Variants in FAM13A observed in about 807,000 individuals in gnomAD.
The protein encoded by FAM13A is protein FAM13A.
In FAM13A, 76 loss-of-function variants were observed where a neutral mutation model predicts 129.6. The ratio of observed to expected loss-of-function variants is 0.59; its 90% confidence interval spans 0.49 to 0.71. FAM13A has a LOEUF of 0.71. FAM13A is among the 30% of genes least tolerant of loss of function. The pLI is 0.00. For synonymous variants in FAM13A, 443 were observed against 449.9 expected (o/e 0.98, Z 0.20); for missense variants, 1,108 against 1,249.3 (o/e 0.89, Z 1.70).
At chr4:88,756,311 G>A (rs376720211) in intron 14 of FAM13A, among the ~76,000 whole-genome samples, 9 of 152,078 alleles carry the variant, frequency 5.9e-5, no homozygotes, top group African/African-American at 1.7e-4. Flanking sequence ...CATGTCCTAC[G>A]GAATCTATTT....
At chr4:88,767,880 C>A in intron 12 of FAM13A, 103 bp downstream of exon 12, 1 of 762,340 alleles carries the variant, frequency 1.3e-6, no homozygotes. Flanking sequence ...ATATATAGTC[C>A]TTTAATTCCA....
Position 89,025,312 on chromosome 4 carries a change from C to T in FAM13A, c.217+4148G>A, listed in dbSNP as rs540603328. Among the ~76,000 whole-genome samples the T allele has an allele frequency of 3.9e-5, 5 of 127,838 alleles. No homozygotes were observed. In the South Asian group the frequency reaches 8.0e-4, roughly 20 times the overall value. The allele number at this position is 127,838 out of a possible 152,430, so 83.9% of individuals were successfully genotyped here. On this transcript the variant is annotated intron_variant, in intron 2 of 23. Coordinates refer to ENST00000264344, the MANE Select transcript of FAM13A (RefSeq NM_014883.4). ...TCGCTCTGTCGCCCAGGCCGGACTG[C>T]GGACTGCAGTGGCGCAATCTCGGCT...
intron 23 of FAM13A, chr4:88,730,195 G>T (rs1235196863): frequency 1.3e-5 from 2 of 152,184 alleles, no homozygotes; most frequent in Admixed American, 1.3e-4. Context: ...AGTAATCTGG[G>T]TTAAATCCAA....
At chr4:88,929,009 T>A (rs1202848446) in intron 5 of FAM13A, among the ~76,000 whole-genome samples, 1 of 152,188 alleles carries the variant, frequency 6.6e-6, no homozygotes, top group Non-Finnish European at 1.5e-5. Flanking sequence ...GGTGTTTTCA[T>A]GATGGTGAAT....
intron 3 of FAM13A, among the ~76,000 whole-genome samples, chr4:89,015,772 T>C (rs991242991): frequency 6.6e-6 from 1 of 152,148 alleles, no homozygotes; most frequent in Non-Finnish European, 1.5e-5. Context: ...AGTTTATATA[T>C]ATATAAAGTT....
intron 6 of FAM13A, among the ~76,000 whole-genome samples, chr4:88,888,932 T>C (rs1160090808): frequency 7.9e-6 from 1 of 126,492 alleles, no homozygotes; most frequent in African/African-American, 3.0e-5. Flanking sequence ...CGAGACTCCG[T>C]CTCCAAAAAA....
intron 7 of FAM13A, among the ~76,000 whole-genome samples, chr4:88,847,120 G>A (rs1473853146): frequency 6.6e-6 from 1 of 152,210 alleles, no homozygotes; most frequent in Non-Finnish European, 1.5e-5. Context: ...TATGGATAGA[G>A]ACAGGAAGTT....
intron 19 of FAM13A, among the ~76,000 whole-genome samples, chr4:88,741,275 A>G (rs992472653): frequency 8.5e-5 from 13 of 152,234 alleles, no homozygotes; most frequent in African/African-American, 3.1e-4. Flanking sequence ...TCAGTGGTAG[A>G]ATAAAGTATG....
At chr4:88,824,509 A>G (rs1732629783) in intron 7 of FAM13A, among the ~76,000 whole-genome samples, 1 of 152,200 alleles carries the variant, frequency 6.6e-6, no homozygotes, top group Non-Finnish European at 1.5e-5. Flanking sequence ...ATGATAAACT[A>G]TCAGTAACTA....
At position 88,746,999 on chromosome 4, in the gene FAM13A, T is replaced by C. The variant is rs780211925; in HGVS notation, c.2399A>G (p.Gln800Arg). The part of the protein sequence containing the change: ...PEDIKDMTKD[Q>R]IANEKVALQK... ...CAGAGCCACTTTCTCATTAGCAATC[T>C]GGTCTTTGGTCATATCCTGTATAAA... The change falls in exon 19 of 24, where the codon CAG becomes CGG. Residue 800 changes from glutamine to arginine, a missense_variant. Coordinates refer to ENST00000264344, the MANE Select transcript of FAM13A (RefSeq NM_014883.4). The C allele has an allele frequency of 2.5e-6, 4 of 1,611,724 alleles. No homozygotes were observed. The South Asian group carries it at 4.4e-5, about 18-fold the overall frequency.
Position 89,025,846 on chromosome 4 carries a change from C to T in FAM13A, c.217+3614G>A, listed in dbSNP as rs116913498. ...AAACATCTTAAGAAGATACCAGAAACGGGTATAGCAATACTGTTTTAGAGA... is the reference window on the plus strand; with the variant it reads ...AAACATCTTAAGAAGATACCAGAAATGGGTATAGCAATACTGTTTTAGAGA... On this transcript the variant is annotated intron_variant, in intron 2 of 23. Coordinates refer to ENST00000264344, the MANE Select transcript of FAM13A (RefSeq NM_014883.4). Among the ~76,000 whole-genome samples, 35 of 152,088 alleles carry T rather than the reference C, an allele frequency of 2.3e-4. No homozygotes were observed. In the East Asian group the frequency reaches 5.2e-3, roughly 23 times the overall value.
chr4:89,049,367 T>C (rs1439418632), intron 1 of FAM13A, among the ~76,000 whole-genome samples: 2 of 152,198 alleles, frequency 1.3e-5, no homozygotes, highest in Non-Finnish European at 2.9e-5. Flanking sequence ...TTATATATAG[T>C]TTCAGAAAAG....
chr4:88,728,346 C>A lies in FAM13A; in HGVS notation c.*187G>T. ...ATTACAAAATGCCTAAGTCAGGTCACATTGTCTTCTTCCAGCCAGTTTCTA... is the reference window on the plus strand; with the variant it reads ...ATTACAAAATGCCTAAGTCAGGTCAAATTGTCTTCTTCCAGCCAGTTTCTA... On this transcript the variant is annotated 3_prime_UTR_variant, in exon 24 of 24. Transcript: ENST00000264344. 1.5e-6 allele frequency: 1 copy of A among 670,408 alleles called. No individual in the cohort carries two copies. Among genetic ancestry groups the A allele is most frequent in the East Asian group, 2.7e-5 (1 of 36,590 alleles). 41.5% of individuals were successfully genotyped at this position (670,408 alleles called of 1,614,324 possible).
At chr4:88,940,318 C>T (rs755225168) in intron 4 of FAM13A, among the ~76,000 whole-genome samples, 5 of 151,408 alleles carry the variant, frequency 3.3e-5, no homozygotes, top group Non-Finnish European at 5.9e-5. Flanking sequence ...GAAATTGGAG[C>T]AATGGAGACC....
chr4:88,916,455 G>A (rs1205229348), intron 5 of FAM13A, among the ~76,000 whole-genome samples: 4 of 152,180 alleles, frequency 2.6e-5, no homozygotes, highest in Non-Finnish European at 4.4e-5. Flanking sequence ...GTTGAGATTC[G>A]TTTAGGTGTC....
chr4:89,032,884 C>T (rs959373345), intron 1 of FAM13A, among the ~76,000 whole-genome samples: 1 of 152,198 alleles, frequency 6.6e-6, no homozygotes, highest in Non-Finnish European at 1.5e-5. Context: ...TCCGGGAAAC[C>T]ACTGAAGCTT....
At chr4:88,740,269 C>T (rs545843874) in intron 19 of FAM13A, among the ~76,000 whole-genome samples, 5 of 152,304 alleles carry the variant, frequency 3.3e-5, no homozygotes, top group South Asian at 2.1e-4. Flanking sequence ...CACCCTGCCC[C>T]GTGCATACCC....
intron 4 of FAM13A, among the ~76,000 whole-genome samples, chr4:88,971,217 CA>C (rs1284912394): frequency 6.6e-6 from 1 of 151,636 alleles, no homozygotes; most frequent in African/African-American, 2.4e-5. Flanking sequence ...GACTCTGCCT[CA>C]AAAAGAGAAA....
Position 88,947,962 on chromosome 4 carries a change from T to C in FAM13A, c.606-9721A>G, listed in dbSNP as rs183115388. 1.4e-4 allele frequency among the ~76,000 whole-genome samples: 21 copies of C among 152,194 alleles called. No individual in the cohort carries two copies. The East Asian group carries it at 3.9e-3, about 28-fold the overall frequency. The stretch of plus-strand genomic sequence containing the variant: ...ACAGATATACACTATATTAACGGTG[T>C]TAAAATTTAATGGGGGCAAGGAATG... On this transcript the variant is annotated intron_variant, in intron 4 of 23. Transcript: ENST00000264344.
Sources: gnomAD v4.1 joint callset for allele counts (sites outside exome capture counted in the v4.1 genomes callset) on GRCh38, gnomAD v4.1.1 for gene constraint, MANE v1.5 for transcripts, NCBI Gene and HGNC (gene_info 2026-07-23, HGNC 2026-07-21) for gene names.